The following OR51B5 variants were observed in gnomAD, a reference collection of about 807,000 sequenced individuals.
OR51B5 encodes the protein olfactory receptor 51B5.
For missense variants in OR51B5, 456 were observed against 374.6 expected (o/e 1.22, Z -1.79); for synonymous variants, 186 against 144.8 (o/e 1.28, Z -2.04).
chr11:5,401,237 T>C (rs1849963076), intron 1 of OR51B5, among the ~76,000 whole-genome samples: 1 of 152,246 alleles, frequency 6.6e-6, no homozygotes. Flanking sequence ...GCAGTGTGTC[T>C]GAGCTAGAAA....
At chr11:5,417,581 GA>G (rs36189500) in intron 1 of OR51B5, among the ~76,000 whole-genome samples, 2,868 of 142,688 alleles carry the variant, frequency 0.02, 59 homozygotes, top group Middle Eastern at 0.057. Flanking sequence ...AAATTTACAA[GA>G]AAAAAAAAAC....
chr11:5,461,496 T>C (rs973731985), intron 1 of OR51B5, among the ~76,000 whole-genome samples: 1 of 152,102 alleles, frequency 6.6e-6, no homozygotes, highest in African/African-American at 2.4e-5. Flanking sequence ...CCCTGTCCCG[T>C]GGGCAAGAGA....
At chr11:5,359,071 T>C (rs1487534270) in intron 1 of OR51B5, among the ~76,000 whole-genome samples, 3 of 152,180 alleles carry the variant, frequency 2.0e-5, no homozygotes, top group Non-Finnish European at 4.4e-5. Context: ...GCATTCCCTT[T>C]GAAAACTGGC....
At chr11:5,465,705 A>G (rs7483605) in intron 1 of OR51B5, among the ~76,000 whole-genome samples, 12,534 of 126,296 alleles carry the variant, frequency 0.099, 767 homozygotes, top group East Asian at 0.23. Context: ...CAAGCAATGG[A>G]GAAAGGATTC....
intron 1 of OR51B5, among the ~76,000 whole-genome samples, chr11:5,410,595 G>A (rs1002013928): frequency 1.3e-5 from 2 of 152,086 alleles, no homozygotes; most frequent in Admixed American, 6.5e-5. Context: ...ATTTGAGAGA[G>A]TATTTCTTCT....
At chr11:5,361,144 AAAAGAAAG>A (rs145449813) in intron 1 of OR51B5, among the ~76,000 whole-genome samples, 7 of 151,696 alleles carry the variant, frequency 4.6e-5, no homozygotes, top group South Asian at 2.1e-4. Context: ...GTATAATAAT[AAAAGAAAG>A]AAAGAAAGAA....
intron 1 of OR51B5, among the ~76,000 whole-genome samples, chr11:5,418,010 C>T (rs940718332): frequency 1.1e-5 from 1 of 87,886 alleles, no homozygotes; most frequent in Non-Finnish European, 2.6e-5. Flanking sequence ...GGAACCAACC[C>T]AAATGTCCAA....
intron 1 of OR51B5, among the ~76,000 whole-genome samples, chr11:5,384,648 T>C (rs1849657652): frequency 6.6e-6 from 1 of 152,210 alleles, no homozygotes; most frequent in African/African-American, 2.4e-5. Flanking sequence ...AGCCATCTGG[T>C]ATACACACCC....
In OR51B5 at chr11:5,481,982, C is replaced by T. The variant is rs1423742279; in HGVS notation, n.84+23587G>A. 6.6e-5 allele frequency among the ~76,000 whole-genome samples: 8 copies of T among 121,310 alleles called. 1 individual carries two copies. Among genetic ancestry groups the T allele is most frequent in the Admixed American group, 2.5e-4 (3 of 12,036 alleles). The allele number at this position is 121,310 out of a possible 152,430, so 79.6% of individuals were successfully genotyped here. Reference sequence around the variant, plus strand: ...TTCCCATCAAGCTACCAATGACTTTCTTCACAGAATTGGAAAAAACTACTT... The same window carrying T: ...TTCCCATCAAGCTACCAATGACTTTTTTCACAGAATTGGAAAAAACTACTT... On this transcript the variant is annotated intron_variant and non_coding_transcript_variant, in intron 1 of 4. Coordinates refer to the OR51B5 transcript ENST00000415970.
Position 5,464,288 on chromosome 11 carries a change from T to C in OR51B5, n.84+41281A>G. On this transcript the variant is annotated intron_variant and non_coding_transcript_variant, in intron 1 of 4. Coordinates refer to the OR51B5 transcript ENST00000415970. ...AATCTGAGAATTAGAAAGTTAAGGT[T>C]GATAATTTTTTAATTATACTTTAAG... Among the ~76,000 whole-genome samples, 2 of 152,220 alleles carry C rather than the reference T, an allele frequency of 1.3e-5. 1 individual carries two copies. Among genetic ancestry groups the C allele is most frequent in the Non-Finnish European group, 2.9e-5 (2 of 68,036 alleles).
At chr11:5,347,281 G>C (rs1368580900), upstream of OR51B5, among the ~76,000 whole-genome samples, 1 of 152,110 alleles carries the variant, frequency 6.6e-6, no homozygotes, top group East Asian at 1.9e-4. Context: ...TATGTAACCT[G>C]AATTTCTACT....
chr11:5,416,112 C>G (rs1850240258), intron 1 of OR51B5, among the ~76,000 whole-genome samples: 1 of 149,778 alleles, frequency 6.7e-6, no homozygotes, highest in African/African-American at 2.5e-5. Context: ...GGATGCAAGG[C>G]TGGTTCAATA....
chr11:5,389,035 T>C (rs1849747917), intron 1 of OR51B5, among the ~76,000 whole-genome samples: 1 of 152,156 alleles, frequency 6.6e-6, no homozygotes, highest in Non-Finnish European at 1.5e-5. Flanking sequence ...ATATTTGTTA[T>C]TTATCAATAT....
intron 1 of OR51B5, among the ~76,000 whole-genome samples, chr11:5,410,405 T>C (rs1237589471): frequency 6.6e-6 from 1 of 152,134 alleles, no homozygotes; most frequent in African/African-American, 2.4e-5. Context: ...GACGATAAGA[T>C]GTCAAGATGC....
At chr11:5,488,782 G>T (rs1467285395) in intron 1 of OR51B5, 1 of 1,614,018 alleles carries the variant, frequency 6.2e-7, no homozygotes, top group Non-Finnish European at 8.5e-7. Context: ...GCTGGAGGCT[G>T]CCCACTTCTG....
chr11:5,372,778 T>A (rs1334144907), intron 1 of OR51B5, among the ~76,000 whole-genome samples: 1 of 152,228 alleles, frequency 6.6e-6, no homozygotes, highest in Non-Finnish European at 1.5e-5. Context: ...TGTTTATTTT[T>A]GCTTTTGTTA....
chr11:5,391,313 A>G (rs11037193), intron 1 of OR51B5: 146,576 of 152,288 alleles, frequency 0.96, 70,932 homozygotes, highest in African/African-American at 0.99. Context: ...TCCAATGGTA[A>G]AGCACCAAAT....
intron 1 of OR51B5, chr11:5,430,703 T>C (rs1850520752): frequency 2.2e-6 from 1 of 456,502 alleles, no homozygotes; most frequent in African/African-American, 2.0e-5. Context: ...CCCTGTCTTA[T>C]TGTCTGGGTC....
At chr11:5,431,042 G>A (rs1278105084) in intron 1 of OR51B5, 2 of 456,708 alleles carry the variant, frequency 4.4e-6, no homozygotes, top group South Asian at 1.5e-5. Context: ...CAAGGCAGCT[G>A]GATCAGATCT....
Sources: allele counts gnomAD v4.1 joint callset (sites outside exome capture counted in the v4.1 genomes callset), GRCh38; gene constraint gnomAD v4.1.1; transcripts MANE v1.5; gene names NCBI Gene and HGNC (gene_info 2026-07-23, HGNC 2026-07-21).